RCOR1: variants seen among roughly 807,000 people sequenced by gnomAD.
RCOR1 encodes REST corepressor 1.
Under a neutral mutation model 64.0 loss-of-function variants are expected in RCOR1, and 12 were observed. The ratio of observed to expected loss-of-function variants is 0.19; its 90% CI spans 0.12 to 0.30. RCOR1 has a LOEUF of 0.30. Among genes scored for constraint, RCOR1 ranks in the 10% least tolerant of loss-of-function variants. The pLI, the probability that RCOR1 is intolerant of heterozygous loss-of-function variation, is 1.00. For synonymous variants in RCOR1, 279 were observed against 227.2 expected, an observed-to-expected ratio of 1.23 and a Z score of -2.05; for missense variants, 502 against 621.2, an observed-to-expected ratio of 0.81 and a Z score of 2.04.
At chr14:102,643,073 G>A (rs966003993) in intron 2 of RCOR1, among the ~76,000 whole-genome samples, 2 of 152,110 alleles carry the variant, frequency 1.3e-5, no homozygotes, top group African/African-American at 4.8e-5. Context: ...ACGAGGTCAG[G>A]AGATCAAGAC....
intron 2 of RCOR1, among the ~76,000 whole-genome samples, chr14:102,670,042 C>G (rs1895000339): frequency 1.3e-5 from 2 of 152,272 alleles, no homozygotes; most frequent in Middle Eastern, 3.4e-3. Context: ...CCTCTGCCTC[C>G]TGGGTTCAAG....
intron 2 of RCOR1, chr14:102,656,052 G>A (rs1001026717): frequency 2.0e-6 from 2 of 985,084 alleles, no homozygotes; most frequent in African/African-American, 3.5e-5. Context: ...GCTTGTGTAA[G>A]TTGTAATGTT....
intron 2 of RCOR1, among the ~76,000 whole-genome samples, chr14:102,669,845 T>C (rs1894996069): frequency 6.6e-6 from 1 of 152,152 alleles, no homozygotes; most frequent in Non-Finnish European, 1.5e-5. Flanking sequence ...AATTTTGGAG[T>C]CATAAAACGT....
rs891722447 is a variant in RCOR1 at position 102,690,951 on chromosome 14, T to C, written c.445+8973T>C. On this transcript the variant is annotated intron_variant, in intron 3 of 11. Coordinates refer to ENST00000262241, the MANE Select transcript of RCOR1 (RefSeq NM_015156.4). ...AGTGCAGGATTCCCCTGGATAGAGA[T>C]TTGCAAATACAGGCTTTTCTGCCAT... 2.0e-5 allele frequency among the ~76,000 whole-genome samples: 3 copies of C among 152,198 alleles called. No homozygotes were observed. The East Asian group carries it at 5.8e-4, about 29-fold the overall frequency.
At chr14:102,597,983 C>T (rs1165554933) in intron 2 of RCOR1, among the ~76,000 whole-genome samples, 3 of 152,162 alleles carry the variant, frequency 2.0e-5, no homozygotes, top group Non-Finnish European at 2.9e-5. Flanking sequence ...CCACCACACC[C>T]AGCTAATTTT....
chr14:102,619,175 G>A (rs942760187), intron 2 of RCOR1, among the ~76,000 whole-genome samples: 1 of 152,112 alleles, frequency 6.6e-6, no homozygotes, highest in African/African-American at 2.4e-5. Flanking sequence ...AGGCTGGAGT[G>A]CAATGATGCA....
intron 3 of RCOR1, among the ~76,000 whole-genome samples, chr14:102,696,583 A>G (rs1037588243): frequency 6.6e-6 from 1 of 152,156 alleles, no homozygotes; most frequent in Non-Finnish European, 1.5e-5. Context: ...TGTCCTGATT[A>G]GCGTTTACTT....
intron 4 of RCOR1, among the ~76,000 whole-genome samples, chr14:102,704,193 C>T (rs1895804516): frequency 6.6e-6 from 1 of 152,116 alleles, no homozygotes; most frequent in African/African-American, 2.4e-5. Context: ...CCTGCTTGAC[C>T]CCAGGACCCA....
chr14:102,632,918 T>C (rs1894159206), intron 2 of RCOR1, among the ~76,000 whole-genome samples: 1 of 151,244 alleles, frequency 6.6e-6, no homozygotes. Flanking sequence ...CTCAAGCAGT[T>C]CTCCCACTTC....
At chr14:102,700,876 AAG>A in intron 3 of RCOR1, among the ~76,000 whole-genome samples, 1 of 152,342 alleles carries the variant, frequency 6.6e-6, no homozygotes, top group East Asian at 1.9e-4. Flanking sequence ...TGGGAAGAAA[AAG>A]AGGTTTAATG....
chr14:102,711,897 A>G (rs1895968141), intron 7 of RCOR1, among the ~76,000 whole-genome samples: 1 of 152,248 alleles, frequency 6.6e-6, no homozygotes, highest in African/African-American at 2.4e-5. Context: ...CTCTTTCTGT[A>G]AAATGTATAT....
At chr14:102,700,315 G>A (rs184900481) in intron 3 of RCOR1, among the ~76,000 whole-genome samples, 1,900 of 152,148 alleles carry the variant, frequency 0.012, 19 homozygotes, top group Admixed American at 0.016. Context: ...TCTGCCTCCC[G>A]GGTTCAAGCG....
intron 3 of RCOR1, among the ~76,000 whole-genome samples, chr14:102,685,485 CTT>C (rs200809707): frequency 1.9e-4 from 27 of 139,560 alleles, no homozygotes; most frequent in African/African-American, 1.8e-4. Flanking sequence ...TTGTACATTT[CTT>C]TTTTTTTTTT....
At chr14:102,691,433 C>G (rs1474461820) in intron 3 of RCOR1, among the ~76,000 whole-genome samples, 1 of 152,058 alleles carries the variant, frequency 6.6e-6, no homozygotes, top group African/African-American at 2.4e-5. Flanking sequence ...TGCACACGTG[C>G]CCCCGATTCT....
At chr14:102,610,731 T>A (rs749521205) in intron 2 of RCOR1, among the ~76,000 whole-genome samples, 1 of 151,976 alleles carries the variant, frequency 6.6e-6, no homozygotes, top group African/African-American at 2.4e-5. Context: ...CCCGGCTAAT[T>A]TTTTAGTAGA....
At chr14:102,661,172 C>T (rs11851713) in intron 2 of RCOR1, among the ~76,000 whole-genome samples, 20,070 of 151,906 alleles carry the variant, frequency 0.13, 1,562 homozygotes, top group East Asian at 0.26. Context: ...CATGGTGAAA[C>T]CCTGTCTGTA....
intron 2 of RCOR1, among the ~76,000 whole-genome samples, chr14:102,677,995 T>C (rs1178485758): frequency 6.7e-6 from 1 of 149,566 alleles, no homozygotes; most frequent in Non-Finnish European, 1.5e-5. Flanking sequence ...GGTTAGGAGC[T>C]GGAGACCAGC....
intron 2 of RCOR1, among the ~76,000 whole-genome samples, chr14:102,663,474 G>T (rs1456220025): frequency 6.6e-6 from 1 of 152,178 alleles, no homozygotes; most frequent in Non-Finnish European, 1.5e-5. Context: ...TGGTGTAAAG[G>T]TATGTCCTTA....
chr14:102,657,467 C>T (rs1244569167), intron 2 of RCOR1: 1 of 984,156 alleles, frequency 1.0e-6, no homozygotes, highest in Non-Finnish European at 1.2e-6. Flanking sequence ...CTTACTCATC[C>T]TTTTTGATAT....
Sources: gnomAD v4.1 joint callset for allele counts (sites outside exome capture counted in the v4.1 genomes callset) on GRCh38, gnomAD v4.1.1 for gene constraint, MANE v1.5 for transcripts, NCBI Gene and HGNC (gene_info 2026-07-23, HGNC 2026-07-21) for gene names.